Variants in SERGEF observed in about 807,000 individuals in gnomAD.
The protein encoded by SERGEF is secretion-regulating guanine nucleotide exchange factor.
A neutral mutation model predicts 50.0 loss-of-function variants in SERGEF; 51 were observed. That is an observed-to-expected ratio of 1.02 (90% CI 0.81 to 1.29). The LOEUF (loss-of-function observed/expected upper bound fraction) is 1.29. Ranked by LOEUF, SERGEF falls within the 50% of genes most tolerant of loss-of-function variation. The pLI is 0.00. For synonymous variants in SERGEF, 205 were observed against 212.4 expected (o/e 0.97, Z 0.30); for missense variants, 521 against 557.0 (o/e 0.94, Z 0.65).
intron 8 of SERGEF, among the ~76,000 whole-genome samples, chr11:17,966,427 C>T (rs1476254587): frequency 6.6e-6 from 1 of 152,066 alleles, no homozygotes; most frequent in African/African-American, 2.4e-5. Flanking sequence ...CCCAGTTTTC[C>T]CATCTATAAA....
chr11:17,942,813 T>C (rs1221582686), intron 9 of SERGEF, among the ~76,000 whole-genome samples: 1 of 152,200 alleles, frequency 6.6e-6, no homozygotes, highest in Non-Finnish European at 1.5e-5. Context: ...CACAAATAAA[T>C]GTTAAATTTT....
At chr11:17,995,956 T>C (rs1361148391) in intron 5 of SERGEF, 47 bp from the exon 6 acceptor site, 40 of 1,334,726 alleles carry the variant, frequency 3.0e-5, no homozygotes, top group Non-Finnish European at 3.9e-5. Flanking sequence ...CACATCAGGA[T>C]AAGACTAGAT....
chr11:17,879,860 A>T (rs2133899832), intron 9 of SERGEF, among the ~76,000 whole-genome samples: 1 of 152,298 alleles, frequency 6.6e-6, no homozygotes, highest in Non-Finnish European at 1.5e-5. Flanking sequence ...TCTGTCAATT[A>T]AAAAAATAAA....
At chr11:17,868,002 T>C (rs2133889088) in intron 10 of SERGEF, among the ~76,000 whole-genome samples, 1 of 152,288 alleles carries the variant, frequency 6.6e-6, no homozygotes, top group South Asian at 2.1e-4. Flanking sequence ...TCTGGGTCTG[T>C]GATAAGAGGG....
At chr11:17,801,120 G>C (rs1849661281) in intron 10 of SERGEF, among the ~76,000 whole-genome samples, 1 of 151,814 alleles carries the variant, frequency 6.6e-6, no homozygotes, top group Non-Finnish European at 1.5e-5. Flanking sequence ...GCGTGAACCT[G>C]GGAGGCGGAG....
chr11:17,826,735 A>G (rs1054777693), intron 10 of SERGEF, among the ~76,000 whole-genome samples: 2 of 152,228 alleles, frequency 1.3e-5, no homozygotes, highest in Non-Finnish European at 2.9e-5. Flanking sequence ...AATAACAAAT[A>G]AAGTAACCAG....
At chr11:18,007,848 A>G (rs532215889) in intron 2 of SERGEF, 93 bp downstream of exon 2, 2 of 1,301,390 alleles carry the variant, frequency 1.5e-6, no homozygotes, top group East Asian at 2.4e-5. Flanking sequence ...TTTCCTCTGC[A>G]AAATACAAAA....
chr11:17,988,380 GTTAAC>G (rs1437676429), intron 8 of SERGEF, among the ~76,000 whole-genome samples: 1 of 152,204 alleles, frequency 6.6e-6, no homozygotes, highest in African/African-American at 2.4e-5. Flanking sequence ...ACCGGAAGGA[GTTAAC>G]TTAACCCAGG....
At chr11:17,984,428 C>G (rs1853554903) in intron 8 of SERGEF, among the ~76,000 whole-genome samples, 1 of 152,150 alleles carries the variant, frequency 6.6e-6, no homozygotes, top group Non-Finnish European at 1.5e-5. Context: ...CTCATGAGAA[C>G]TCACTCACAA....
At chr11:17,877,047 AC>A (rs1851248094) in intron 10 of SERGEF, among the ~76,000 whole-genome samples, 1 of 152,108 alleles carries the variant, frequency 6.6e-6, no homozygotes, top group South Asian at 2.1e-4. Context: ...AACTACTGCC[AC>A]CCCAGGCAGC....
chr11:18,003,000 G>A (rs1381624415), intron 4 of SERGEF, among the ~76,000 whole-genome samples: 3 of 152,078 alleles, frequency 2.0e-5, no homozygotes, highest in Non-Finnish European at 4.4e-5. Context: ...TAACTTATAT[G>A]TAGGTGCTTA....
chr11:17,962,313 A>G (rs189693370), intron 8 of SERGEF, among the ~76,000 whole-genome samples: 29 of 152,258 alleles, frequency 1.9e-4, no homozygotes, highest in African/African-American at 6.7e-4. Flanking sequence ...GCATAAACAC[A>G]TGGATGATGA....
intron 10 of SERGEF, among the ~76,000 whole-genome samples, chr11:17,808,257 T>C (rs955356284): frequency 1.3e-5 from 2 of 152,188 alleles, no homozygotes; most frequent in African/African-American, 4.8e-5. Context: ...GGATAATTTA[T>C]AAAGAAAAGA....
chr11:17,919,233 T>A (rs1361946540), intron 9 of SERGEF, among the ~76,000 whole-genome samples: 2 of 152,072 alleles, frequency 1.3e-5, no homozygotes, highest in African/African-American at 4.8e-5. Flanking sequence ...AATAAATGAG[T>A]ACACTAATGA....
chr11:17,846,815 G>A (rs1850621492), intron 10 of SERGEF: 1 of 455,422 alleles, frequency 2.2e-6, no homozygotes, highest in Admixed American at 2.3e-5. Context: ...TGGCTGACAT[G>A]TAGCAGGTAT....
chr11:18,011,203 C>A (rs1317226589), intron 1 of SERGEF, among the ~76,000 whole-genome samples: 1 of 151,882 alleles, frequency 6.6e-6, no homozygotes, highest in Admixed American at 6.6e-5. Context: ...GTGAACCGAA[C>A]TTTATTCCCC....
intron 10 of SERGEF, among the ~76,000 whole-genome samples, chr11:17,825,609 G>T (rs1037472032): frequency 6.6e-6 from 1 of 152,160 alleles, no homozygotes; most frequent in African/African-American, 2.4e-5. Context: ...CAGTTCATTA[G>T]CTCTTAGATA....
chr11:17,857,863 T>G (rs898993141), intron 10 of SERGEF, among the ~76,000 whole-genome samples: 1 of 152,220 alleles, frequency 6.6e-6, no homozygotes, highest in African/African-American at 2.4e-5. Flanking sequence ...TTATCTCTAT[T>G]TCCTTCCAAA....
At chr11:17,970,374 C>G (rs1853221467) in intron 8 of SERGEF, among the ~76,000 whole-genome samples, 1 of 152,086 alleles carries the variant, frequency 6.6e-6, no homozygotes, top group African/African-American at 2.4e-5. Flanking sequence ...CGATTGTGTT[C>G]TGACTGCTCC....
Sources: gnomAD v4.1 joint callset for allele counts (sites outside exome capture counted in the v4.1 genomes callset) on GRCh38, gnomAD v4.1.1 for gene constraint, MANE v1.5 for transcripts, NCBI Gene and HGNC (gene_info 2026-07-23, HGNC 2026-07-21) for gene names.